PARD3: variants seen among roughly 807,000 people sequenced by gnomAD.
PARD3 encodes the protein par-3 family cell polarity regulator, also known as partitioning defective 3 homolog.
A neutral mutation model predicts 155.4 loss-of-function variants in PARD3; 75 were observed. The ratio of observed to expected loss-of-function variants is 0.48; its 90% CI spans 0.40 to 0.58. PARD3 has a LOEUF of 0.58. Among genes scored for constraint, PARD3 ranks in the 20% least tolerant of loss-of-function variants. The probability of loss-of-function intolerance (pLI) is 0.00; values close to 1 mark genes in which losing one functional copy is unlikely to be tolerated. For synonymous variants in PARD3, 576 were observed against 610.5 expected (o/e 0.94, Z 0.83); for missense variants, 1,642 against 1,721.7 (o/e 0.95, Z 0.82).
intron 21 of PARD3, among the ~76,000 whole-genome samples, chr10:34,277,989 C>G (rs1426723038): frequency 6.6e-6 from 1 of 152,176 alleles, no homozygotes; most frequent in Non-Finnish European, 1.5e-5. Context: ...TCCAGCCCCA[C>G]TGGTCGTTCC....
intron 1 of PARD3, among the ~76,000 whole-genome samples, chr10:34,802,218 T>C (rs1172049846): frequency 6.6e-6 from 1 of 152,168 alleles, no homozygotes; most frequent in Non-Finnish European, 1.5e-5. Context: ...TTGGGTGATC[T>C]TTATATCTTC....
At chr10:34,468,698 G>C (rs939895197) in intron 4 of PARD3, among the ~76,000 whole-genome samples, 1 of 151,960 alleles carries the variant, frequency 6.6e-6, no homozygotes, top group Non-Finnish European at 1.5e-5. Context: ...AAAAAAACCA[G>C]AAACTAAATA....
chr10:34,218,341 G>T (rs1952108868), intron 22 of PARD3, among the ~76,000 whole-genome samples: 1 of 152,046 alleles, frequency 6.6e-6, no homozygotes, highest in South Asian at 2.1e-4. Context: ...TAATAAATAG[G>T]ACCAGAAAAA....
At chr10:34,403,466 T>G (rs1212278642) in intron 5 of PARD3, among the ~76,000 whole-genome samples, 1 of 152,168 alleles carries the variant, frequency 6.6e-6, no homozygotes, top group East Asian at 1.9e-4. Context: ...AGATACAATG[T>G]CAAACAATAT....
intron 2 of PARD3, among the ~76,000 whole-genome samples, chr10:34,549,583 A>G (rs1191194816): frequency 6.6e-6 from 1 of 152,096 alleles, no homozygotes; most frequent in Non-Finnish European, 1.5e-5. Flanking sequence ...CCATCCATGC[A>G]GTTGTATTTT....
chr10:34,656,642 T>G (rs1435909512), intron 2 of PARD3, among the ~76,000 whole-genome samples: 1 of 152,234 alleles, frequency 6.6e-6, no homozygotes, highest in Non-Finnish European at 1.5e-5. Flanking sequence ...AAAAGCTTCC[T>G]AATGACAATA....
chr10:34,739,448 C>G (rs1366326166), intron 1 of PARD3, among the ~76,000 whole-genome samples: 1 of 152,174 alleles, frequency 6.6e-6, no homozygotes, highest in Admixed American at 6.5e-5. Context: ...AGGAATCCAG[C>G]AAGATAAGCG....
At chr10:34,358,519 A>G (rs752052106) in intron 14 of PARD3, among the ~76,000 whole-genome samples, 31 of 152,154 alleles carry the variant, frequency 2.0e-4, no homozygotes, top group Non-Finnish European at 4.0e-4. Flanking sequence ...ACAAGAGAAC[A>G]CCATCATCTA....
At chr10:34,431,239 T>C (rs998246212) in intron 5 of PARD3, among the ~76,000 whole-genome samples, 1 of 152,136 alleles carries the variant, frequency 6.6e-6, no homozygotes, top group African/African-American at 2.4e-5. Context: ...TGAGCATCAA[T>C]ACACATGATC....
intron 7 of PARD3, 149 bp downstream of exon 7, chr10:34,399,181 A>G: frequency 1.6e-6 from 1 of 621,810 alleles, no homozygotes; most frequent in Non-Finnish European, 2.9e-6. Context: ...TGATTATGAC[A>G]TATATATAGG....
Position 34,376,821 on chromosome 10 carries a change from T to C in PARD3, c.1539+1146A>G, listed in dbSNP as rs561152215. The stretch of plus-strand genomic sequence containing the variant: ...AGAAAAAAGGATAGTGTGGTAAAAG[T>C]TTACCTTAGCATTAATATTTGAATA... On this transcript the variant is annotated intron_variant, in intron 10 of 24. Transcript: ENST00000374788. Among the ~76,000 whole-genome samples, 15 of 152,268 alleles carry C rather than the reference T, an allele frequency of 9.9e-5. 1 individual carries two copies. In the South Asian group the frequency reaches 3.1e-3, roughly 32 times the overall value.
At chr10:34,209,087 C>A (rs1450008432) in intron 22 of PARD3, among the ~76,000 whole-genome samples, 1 of 152,138 alleles carries the variant, frequency 6.6e-6, no homozygotes, top group Non-Finnish European at 1.5e-5. Context: ...AAATGTAAGA[C>A]AAAGTAAACT....
intron 1 of PARD3, among the ~76,000 whole-genome samples, chr10:34,778,878 GT>G (rs1839910260): frequency 6.6e-6 from 1 of 152,160 alleles, no homozygotes; most frequent in Non-Finnish European, 1.5e-5. Context: ...CAGTATTTTT[GT>G]TCACAAAGGA....
intron 1 of PARD3, among the ~76,000 whole-genome samples, chr10:34,768,367 A>AGGCGGGACAACTCGAAGCAAG (rs1181501302): frequency 7.6e-6 from 1 of 131,744 alleles, no homozygotes. Flanking sequence ...CTCGAAGCAA[A>AGGCGGGACAACTCGAAGCAAG]GGCGGGACAA....
At chr10:34,331,434 C>A (rs1045218395) in intron 18 of PARD3, 90 bp from the exon 19 acceptor site, 3 of 713,860 alleles carry the variant, frequency 4.2e-6, no homozygotes, top group Non-Finnish European at 7.2e-6. Context: ...AGGTACATAA[C>A]AATTATTTGC....
chr10:34,489,549 A>C (rs950926733), intron 3 of PARD3, among the ~76,000 whole-genome samples: 1 of 152,254 alleles, frequency 6.6e-6, no homozygotes, highest in Admixed American at 6.5e-5. Flanking sequence ...CTGGCGATTA[A>C]TAAAGCCATT....
At chr10:34,264,038 T>C (rs999246121) in intron 22 of PARD3, among the ~76,000 whole-genome samples, 3 of 152,222 alleles carry the variant, frequency 2.0e-5, no homozygotes, top group Non-Finnish European at 4.4e-5. Flanking sequence ...ATTATACAGA[T>C]GGTCCCGGAC....
chr10:34,406,121 G>C (rs1844446730), intron 5 of PARD3, among the ~76,000 whole-genome samples: 1 of 152,128 alleles, frequency 6.6e-6, no homozygotes, highest in Admixed American at 6.5e-5. Flanking sequence ...ATTGCTAGCA[G>C]ACTAAAACTA....
intron 5 of PARD3, among the ~76,000 whole-genome samples, chr10:34,443,632 G>A (rs1299944581): frequency 1.3e-5 from 2 of 152,050 alleles, no homozygotes; most frequent in Admixed American, 1.3e-4. Context: ...AACAGCATGG[G>A]AAAGACCTGC....
Sources: allele counts gnomAD v4.1 joint callset (sites outside exome capture counted in the v4.1 genomes callset), GRCh38; gene constraint gnomAD v4.1.1; transcripts MANE v1.5; gene names NCBI Gene and HGNC (gene_info 2026-07-23, HGNC 2026-07-21).